Variants in BORCS5 observed in about 807,000 individuals in gnomAD.
BORCS5 encodes BLOC-1 related complex subunit 5.
BORCS5 carries 17 observed loss-of-function variants against 22.1 expected under a neutral mutation model. The ratio of observed to expected loss-of-function variants is 0.77; its 90% CI spans 0.53 to 1.15. BORCS5 has a LOEUF of 1.15. Among genes scored for constraint, BORCS5 ranks in the 50% most tolerant of loss-of-function variants. The pLI, the probability that BORCS5 is intolerant of heterozygous loss-of-function variation, is 0.00. For missense variants in BORCS5, 247 were observed against 253.2 expected (o/e 0.98, Z 0.17); for synonymous variants, 117 against 99.8 (o/e 1.17, Z -1.03).
chr12:12,452,185 T>G (rs1216021060), intron 3 of BORCS5: 1 of 591,520 alleles, frequency 1.7e-6, no homozygotes, highest in Non-Finnish European at 3.3e-6. Flanking sequence ...AGATTCACAT[T>G]TTTTACAGCT....
chr12:12,408,050 C>T (rs1941633454), intron 2 of BORCS5, among the ~76,000 whole-genome samples: 1 of 152,178 alleles, frequency 6.6e-6, no homozygotes, highest in African/African-American at 2.4e-5. Context: ...TTGAATCATA[C>T]AGTTTTTGTC....
chr12:12,417,365 T>TAA (rs1941995462), intron 2 of BORCS5, among the ~76,000 whole-genome samples: 1 of 152,198 alleles, frequency 6.6e-6, no homozygotes, highest in African/African-American at 2.4e-5. Context: ...TTTTGAGACT[T>TAA]AATCTGTGAC....
intron 3 of BORCS5, among the ~76,000 whole-genome samples, chr12:12,464,130 C>G (rs1943158001): frequency 6.6e-6 from 1 of 152,120 alleles, no homozygotes; most frequent in African/African-American, 2.4e-5. Context: ...GTGCTGAGCG[C>G]CAGACAGGGC....
chr12:12,425,842 GGTAGGATAGGCCAGTCATACAGCCA>G (rs1942273087), intron 2 of BORCS5, among the ~76,000 whole-genome samples: 1 of 152,132 alleles, frequency 6.6e-6, no homozygotes, highest in African/African-American at 2.4e-5. Context: ...CACTTATAGT[GGTAGGATAGGCCAGTCATACAGCCA>G]GCTTTTGAAA....
At chr12:12,446,823 C>G (rs1357368863) in intron 3 of BORCS5, among the ~76,000 whole-genome samples, 1 of 152,202 alleles carries the variant, frequency 6.6e-6, no homozygotes, top group Non-Finnish European at 1.5e-5. Flanking sequence ...TGACAGCCAA[C>G]CTGCAGCCCA....
chr12:12,376,610 G>C (rs1450836742), intron 2 of BORCS5, among the ~76,000 whole-genome samples: 1 of 151,998 alleles, frequency 6.6e-6, no homozygotes, highest in African/African-American at 2.4e-5. Context: ...TAAATCTTAT[G>C]TTATGTCAAA....
rs1453980463 is a variant in BORCS5, at chr12:12,414,202, G to C, written c.203-21426G>C. Among the ~76,000 whole-genome samples the C allele has an allele frequency of 2.2e-5, 2 of 91,604 alleles. 1 individual carries two copies. The highest frequency in any genetic ancestry group is 1.9e-4 in the Admixed American group (2 of 10,450). The allele number at this position is 91,604 out of a possible 152,430, so 60.1% of individuals were successfully genotyped here. On this transcript the variant is annotated intron_variant, in intron 2 of 3. Transcript: ENST00000314565. ...TCCCGGATGGGGCGGCTGGCCAGGC[G>C]GGGGGCTGACCCCCCCACCTCCCTC...
intron 2 of BORCS5, among the ~76,000 whole-genome samples, chr12:12,366,408 C>T (rs1381806228): frequency 2.6e-5 from 4 of 152,294 alleles, no homozygotes; most frequent in South Asian, 4.1e-4. Flanking sequence ...TTGGCCTTAA[C>T]CCTTTTGCAT....
chr12:12,425,750 T>C (rs930895506), intron 2 of BORCS5, among the ~76,000 whole-genome samples: 4 of 152,240 alleles, frequency 2.6e-5, no homozygotes, highest in Non-Finnish European at 5.9e-5. Context: ...CTCCTGCTTC[T>C]TCTGGTAATC....
chr12:12,390,872 G>A (rs1941159606), intron 2 of BORCS5, among the ~76,000 whole-genome samples: 1 of 151,990 alleles, frequency 6.6e-6, no homozygotes, highest in Admixed American at 6.6e-5. Flanking sequence ...CTCCCAAAGT[G>A]CTAGGAGTAC....
rs1448850894 is a variant in BORCS5, at chr12:12,467,093, TA to T, written c.*1319del. On this transcript the variant is annotated 3_prime_UTR_variant, in exon 4 of 4. Transcript: ENST00000314565. Reference sequence around the variant, plus strand: ...ACAGGTGTGTGCCACCAAATCCAGCTAATTAAAAAAAATTAATTAATTTTAC... The same window carrying T: ...ACAGGTGTGTGCCACCAAATCCAGCTATTAAAAAAAATTAATTAATTTTAC... 6.6e-6 allele frequency: 1 copy of T among 152,174 alleles called. No homozygotes were observed. Among genetic ancestry groups the T allele is most frequent in the African/African-American group, 2.4e-5 (1 of 41,442 alleles). 9.4% of individuals were successfully genotyped at this position (152,174 alleles called of 1,614,324 possible). A position where few individuals can be genotyped will look rare whatever the true frequency, so the allele number is the denominator to read the frequency against.
intron 3 of BORCS5, among the ~76,000 whole-genome samples, chr12:12,439,730 A>G (rs1942642505): frequency 6.6e-6 from 1 of 152,232 alleles, no homozygotes; most frequent in Non-Finnish European, 1.5e-5. Context: ...CACTCACAGT[A>G]CTGAGCAATA....
chr12:12,361,478 T>C, intron 2 of BORCS5, 129 bp downstream of exon 2: 1 of 1,004,086 alleles, frequency 1.0e-6, no homozygotes, highest in Non-Finnish European at 1.5e-6. Flanking sequence ...TGGCATCTTC[T>C]CAGTGAAGCC....
chr12:12,382,021 C>T (rs778113019), intron 2 of BORCS5, among the ~76,000 whole-genome samples: 3 of 151,276 alleles, frequency 2.0e-5, no homozygotes, highest in African/African-American at 2.4e-5. Flanking sequence ...TATGAAACAC[C>T]GTTCTCTAAT....
At chr12:12,427,601 T>G (rs1205061365) in intron 2 of BORCS5, among the ~76,000 whole-genome samples, 2 of 152,084 alleles carry the variant, frequency 1.3e-5, no homozygotes, top group Non-Finnish European at 2.9e-5. Context: ...GACTCGAAAA[T>G]TTCTTATTGT....
At chr12:12,449,121 G>T (rs1445540719) in intron 3 of BORCS5, among the ~76,000 whole-genome samples, 1 of 152,194 alleles carries the variant, frequency 6.6e-6, no homozygotes, top group African/African-American at 2.4e-5. Context: ...GAGGACTGTG[G>T]TGGTACAGAA....
intron 3 of BORCS5, among the ~76,000 whole-genome samples, chr12:12,459,137 C>A (rs1943055987): frequency 6.6e-6 from 1 of 151,862 alleles, no homozygotes. Context: ...CTCAGGTGAT[C>A]CACCTGCCTT....
At chr12:12,414,601 G>A (rs1248877381) in intron 2 of BORCS5, among the ~76,000 whole-genome samples, 1 of 97,004 alleles carries the variant, frequency 1.0e-5, no homozygotes, top group Admixed American at 8.9e-5. Context: ...GACTGGCTGG[G>A]CAGAGGGGCT....
intron 3 of BORCS5, among the ~76,000 whole-genome samples, chr12:12,464,427 G>A (rs1372846422): frequency 1.3e-5 from 2 of 152,112 alleles, no homozygotes; most frequent in African/African-American, 2.4e-5. Context: ...TGTGTCTCTC[G>A]AAGCCATTTT....
Sources: gnomAD v4.1 joint callset for allele counts (sites outside exome capture counted in the v4.1 genomes callset) on GRCh38, gnomAD v4.1.1 for gene constraint, MANE v1.5 for transcripts, NCBI Gene and HGNC (gene_info 2026-07-23, HGNC 2026-07-21) for gene names.